Variants in GLCCI1 observed in about 807,000 individuals in gnomAD.
GLCCI1 encodes the protein glucocorticoid induced 1.
A neutral mutation model predicts 52.2 loss-of-function variants in GLCCI1; 24 were observed. The ratio of observed to expected loss-of-function variants is 0.46; its 90% CI spans 0.33 to 0.65. The LOEUF (loss-of-function observed/expected upper bound fraction) is 0.65. Ranked by LOEUF, GLCCI1 falls within the 30% of genes least tolerant of loss-of-function variation. GLCCI1 has a pLI of 0.02. For missense variants in GLCCI1, 704 were observed against 701.5 expected, an observed-to-expected ratio of 1.00 and a Z score of -0.04; for synonymous variants, 310 against 276.5, an observed-to-expected ratio of 1.12 and a Z score of -1.20.
chr7:7,971,627 C>T (rs1044388193), intron 1 of GLCCI1, among the ~76,000 whole-genome samples: 11 of 152,146 alleles, frequency 7.2e-5, no homozygotes, highest in Non-Finnish European at 1.6e-4. Flanking sequence ...ACACTAACAT[C>T]TTACAACGGA....
At chr7:8,061,710 A>G (rs1332998307) in intron 5 of GLCCI1, among the ~76,000 whole-genome samples, 1 of 112,410 alleles carries the variant, frequency 8.9e-6, no homozygotes, top group African/African-American at 3.6e-5. Flanking sequence ...TCTGTTGCCT[A>G]GGCTGGAGTG....
intron 1 of GLCCI1, among the ~76,000 whole-genome samples, chr7:7,995,289 A>T (rs1339917692): frequency 6.6e-6 from 1 of 152,182 alleles, no homozygotes; most frequent in African/African-American, 2.4e-5. Flanking sequence ...TAGGCAAATC[A>T]TTTGAGCCCA....
At chr7:8,050,706 C>T (rs1304710170) in intron 3 of GLCCI1, among the ~76,000 whole-genome samples, 1 of 135,918 alleles carries the variant, frequency 7.4e-6, no homozygotes, top group African/African-American at 2.5e-5. Flanking sequence ...TAAGATTTAT[C>T]TCCTTGTGAG....
chr7:8,033,721 A>G (rs1781806897), intron 3 of GLCCI1, among the ~76,000 whole-genome samples: 1 of 152,168 alleles, frequency 6.6e-6, no homozygotes, highest in Admixed American at 6.5e-5. Flanking sequence ...ATATTACTGG[A>G]TGAAATTTAT....
intron 2 of GLCCI1, among the ~76,000 whole-genome samples, chr7:8,021,625 A>G (rs1323119679): frequency 6.6e-6 from 1 of 151,764 alleles, no homozygotes; most frequent in Non-Finnish European, 1.5e-5. Flanking sequence ...CTGGTCTCGG[A>G]CTCCTGACCT....
At chr7:8,048,496 C>T (rs890949394) in intron 3 of GLCCI1, among the ~76,000 whole-genome samples, 4 of 152,114 alleles carry the variant, frequency 2.6e-5, no homozygotes, top group East Asian at 1.9e-4. Flanking sequence ...ATCATCCTAC[C>T]GCACTCTTTT....
At chr7:8,065,081 T>G (rs565621049) in intron 5 of GLCCI1, among the ~76,000 whole-genome samples, 14 of 152,334 alleles carry the variant, frequency 9.2e-5, no homozygotes, top group Admixed American at 2.6e-4. Flanking sequence ...TTCTATCTGA[T>G]ACTGTCATTT....
chr7:7,973,520 G>C (rs1302156884), intron 1 of GLCCI1, among the ~76,000 whole-genome samples: 1 of 151,824 alleles, frequency 6.6e-6, no homozygotes, highest in African/African-American at 2.4e-5. Flanking sequence ...ACTCTGGATG[G>C]AGAATACAGC....
rs138073732 is a variant in GLCCI1 at position 8,013,495 on chromosome 7, ATAAT to A, written c.610-8986_610-8983del. Among the ~76,000 whole-genome samples, 1,013 of 152,254 alleles carry A rather than the reference ATAAT, an allele frequency of 6.7e-3. 25 individuals carry two copies. In the East Asian group the frequency reaches 0.083, roughly 12 times the overall value. On this transcript the variant is annotated intron_variant, in intron 2 of 7. Coordinates refer to ENST00000223145, the MANE Select transcript of GLCCI1 (RefSeq NM_138426.4). ...TTGTATTGCTTAGTAATTCATTTTAATAATTTGTATGGCTAGTCTTGCGTATTTA... is the reference window on the plus strand; with the variant it reads ...TTGTATTGCTTAGTAATTCATTTTAATTGTATGGCTAGTCTTGCGTATTTA...
At chr7:8,002,212 G>C (rs1781063665) in intron 1 of GLCCI1, among the ~76,000 whole-genome samples, 2 of 152,164 alleles carry the variant, frequency 1.3e-5, no homozygotes, top group African/African-American at 4.8e-5. Flanking sequence ...GTAGTTTAAA[G>C]CTTTTAGAGT....
chr7:8,035,303 A>C (rs561672922), intron 3 of GLCCI1, among the ~76,000 whole-genome samples: 1 of 152,210 alleles, frequency 6.6e-6, no homozygotes, highest in South Asian at 2.1e-4. Context: ...TGGCTCTTCA[A>C]GGGAGGAACA....
intron 6 of GLCCI1, among the ~76,000 whole-genome samples, chr7:8,079,102 GTTC>G (rs1048329930): frequency 2.0e-5 from 3 of 152,028 alleles, no homozygotes; most frequent in Non-Finnish European, 4.4e-5. Context: ...AAGTTCCAAT[GTTC>G]TTTTTTCCCT....
chr7:7,988,304 T>C (rs190083841), intron 1 of GLCCI1, among the ~76,000 whole-genome samples: 1 of 152,222 alleles, frequency 6.6e-6, no homozygotes. Flanking sequence ...TTTTGTTTTG[T>C]TTTTTACTAT....
intron 5 of GLCCI1, among the ~76,000 whole-genome samples, chr7:8,060,733 T>C (rs1333236198): frequency 6.6e-6 from 1 of 152,222 alleles, no homozygotes; most frequent in Admixed American, 6.5e-5. Flanking sequence ...TTAATGGAAA[T>C]TTGGATTGTT....
At chr7:7,974,063 A>G (rs534399946) in intron 1 of GLCCI1, among the ~76,000 whole-genome samples, 4 of 152,200 alleles carry the variant, frequency 2.6e-5, no homozygotes, top group African/African-American at 9.6e-5. Flanking sequence ...TTTCTTCTAC[A>G]TTAATGTTTT....
intron 4 of GLCCI1, among the ~76,000 whole-genome samples, chr7:8,059,312 ATAT>A (rs35269540): frequency 0.022 from 3,413 of 152,326 alleles, 63 homozygotes; most frequent in East Asian, 0.069. Context: ...TGTATGGGAA[ATAT>A]TATTAGTGTG....
chr7:7,972,711 G>A (rs1438397297), intron 1 of GLCCI1, among the ~76,000 whole-genome samples: 1 of 151,996 alleles, frequency 6.6e-6, no homozygotes, highest in East Asian at 1.9e-4. Flanking sequence ...TGTTTCACAA[G>A]GCTGAGGAAA....
chr7:8,072,069 A>G lies in GLCCI1; in HGVS notation c.1177+938A>G, dbSNP rs1311881706. 2.6e-5 allele frequency among the ~76,000 whole-genome samples: 4 copies of G among 152,266 alleles called. No homozygotes were observed. The East Asian group carries it at 7.7e-4, about 29-fold the overall frequency. On this transcript the variant is annotated intron_variant, in intron 6 of 7. Coordinates refer to ENST00000223145, the MANE Select transcript of GLCCI1 (RefSeq NM_138426.4). ...GTGTGCTCCTGAAACCACTACCTAC[A>G]TCAAGTATAGATATAGAAGATTTTT...
chr7:8,053,697 G>C (rs1173494012), intron 3 of GLCCI1, among the ~76,000 whole-genome samples: 2 of 151,828 alleles, frequency 1.3e-5, no homozygotes, highest in African/African-American at 4.8e-5. Flanking sequence ...TTTAAATTAG[G>C]CATCTCACAT....
Sources: allele counts gnomAD v4.1 joint callset (sites outside exome capture counted in the v4.1 genomes callset), GRCh38; gene constraint gnomAD v4.1.1; transcripts MANE v1.5; gene names NCBI Gene and HGNC (gene_info 2026-07-23, HGNC 2026-07-21).